EPS8: variants seen among roughly 807,000 people sequenced by gnomAD.
The protein encoded by EPS8 is epidermal growth factor receptor kinase substrate 8.
A neutral mutation model predicts 103.8 loss-of-function variants in EPS8; 42 were observed. That is an observed-to-expected ratio of 0.40 (90% confidence interval 0.32 to 0.52). The LOEUF (loss-of-function observed/expected upper bound fraction) is 0.52. Among genes scored for constraint, EPS8 ranks in the 20% least tolerant of loss-of-function variants. The probability of loss-of-function intolerance (pLI) is 0.40; values close to 1 mark genes in which losing one functional copy is unlikely to be tolerated. For missense variants in EPS8, 969 were observed against 1,005.1 expected, an observed-to-expected ratio of 0.96 and a Z score of 0.49; for synonymous variants, 344 against 344.6, an observed-to-expected ratio of 1.00 and a Z score of 0.02.
In EPS8 at chr12:15,645,707, G is replaced by T. The variant is rs568809064; in HGVS notation, c.1568+1420C>A. ...CTTATAGATATGCAGGTGAAGGACA[G>T]GGAAGTAGTGACTCTGAAATACTAG... On this transcript the variant is annotated intron_variant, in intron 15 of 20. Transcript: ENST00000281172. Among the ~76,000 whole-genome samples, 4 of 152,208 alleles carry T rather than the reference G, an allele frequency of 2.6e-5. No individual in the cohort carries two copies. In the East Asian group the frequency reaches 7.7e-4, roughly 29 times the overall value.
chr12:15,624,118 G>T, intron 19 of EPS8, 109 bp downstream of exon 19: 1 of 822,160 alleles, frequency 1.2e-6, no homozygotes, highest in Non-Finnish European at 2.0e-6. Context: ...AAAGTATGCA[G>T]TCTGTGCCCT....
intron 1 of EPS8, among the ~76,000 whole-genome samples, chr12:15,746,754 T>A (rs1196201378): frequency 6.6e-6 from 1 of 152,078 alleles, no homozygotes. Context: ...AGCTCTGGAA[T>A]CCCTTCTATT....
intron 14 of EPS8, among the ~76,000 whole-genome samples, chr12:15,650,335 G>A (rs1350030130): frequency 6.6e-6 from 1 of 152,118 alleles, no homozygotes; most frequent in African/African-American, 2.4e-5. Context: ...GAGAAGAGAG[G>A]CAAAGCAACG....
In EPS8 at chr12:15,670,742, A is replaced by G. The variant is rs535179778; in HGVS notation, c.204+114T>C. 1.3e-4 allele frequency: 85 copies of G among 667,398 alleles called. 2 individuals carry two copies. In the South Asian group the frequency reaches 2.0e-3, roughly 16 times the overall value. The allele number at this position is 667,398 out of a possible 1,614,324, so 41.3% of individuals were successfully genotyped here. ...TTAAAAAATCTAAACAAAAAGGTCA[A>G]TGCAACTTAAAATACATCATAAGAA... On this transcript the variant is annotated intron_variant, in intron 4 of 20. Coordinates refer to ENST00000281172, the MANE Select transcript of EPS8 (RefSeq NM_004447.6).
rs1946264001 is a variant in EPS8 at position 15,697,992 on chromosome 12, G to A, written c.-21-15020C>T. Among the ~76,000 whole-genome samples, 1 of 152,098 alleles carries A rather than the reference G, an allele frequency of 6.6e-6. No homozygotes were observed. The highest frequency in any genetic ancestry group is 1.5e-5 in the Non-Finnish European group (1 of 68,024). The stretch of plus-strand genomic sequence containing the variant: ...GTCTATTACAGAAATTTCTCTATGG[G>A]AACATATTTCCAGTTGTATAAAAGC... On this transcript the variant is annotated intron_variant, in intron 1 of 20. Transcript: ENST00000281172. This position sits in a 1 kb window ranked among gnomAD's most constrained non-coding sequence, Gnocchi z 5.6.
At chr12:15,664,880 C>T (rs562173454) in intron 8 of EPS8, 3 of 152,246 alleles carry the variant, frequency 2.0e-5, no homozygotes, top group African/African-American at 7.2e-5. Context: ...TAGTTATAAA[C>T]ATTTCAGATT....
intron 1 of EPS8, among the ~76,000 whole-genome samples, chr12:15,765,961 G>A (rs905497619): frequency 2.0e-5 from 3 of 151,176 alleles, no homozygotes; most frequent in East Asian, 2.0e-4. Context: ...TTACAGGCGC[G>A]TGCCACCATA....
intron 12 of EPS8, 148 bp from the exon 13 acceptor site, chr12:15,654,441 G>C (rs1275378007): frequency 1.4e-6 from 1 of 707,988 alleles, no homozygotes; most frequent in Admixed American, 2.8e-5. Flanking sequence ...ACTGAATGAA[G>C]AAAAGCTTGT....
At position 15,693,636 on chromosome 12, in the gene EPS8, T is replaced by TA. The variant is rs776549464; in HGVS notation, c.-21-10665dup. On this transcript the variant is annotated intron_variant, in intron 1 of 20. Transcript: ENST00000281172. The surrounding 1 kb of genome is among the most constrained non-coding windows in gnomAD (Gnocchi z 5.6). ...CTTTGTCTCACTGGCTTTCTGCATT[T>TA]AAAAATCCCTTTACTGTTATTTTAT... is the stretch of plus-strand genomic sequence containing the variant. Among the ~76,000 whole-genome samples, 2 of 152,230 alleles carry TA rather than the reference T, an allele frequency of 1.3e-5. No homozygotes were observed. The highest frequency in any genetic ancestry group is 2.9e-5 in the Non-Finnish European group (2 of 68,034).
chr12:15,719,558 T>C (rs567553350), intron 1 of EPS8, among the ~76,000 whole-genome samples: 37 of 152,216 alleles, frequency 2.4e-4, no homozygotes, highest in Non-Finnish European at 4.7e-4. Context: ...TGAAGCTGAA[T>C]GCCACAGTGA....
chr12:15,733,192 C>T lies in EPS8; in HGVS notation c.-21-50220G>A, dbSNP rs751516891. Among the ~76,000 whole-genome samples the T allele has an allele frequency of 1.6e-4, 25 of 152,132 alleles. No individual in the cohort carries two copies. The highest frequency in any genetic ancestry group is 3.1e-4 in the Non-Finnish European group (21 of 68,028). On this transcript the variant is annotated intron_variant, in intron 1 of 20. Transcript: ENST00000281172. This position sits in a 1 kb window ranked among gnomAD's most constrained non-coding sequence, Gnocchi z 4.8. ...GAGGTTTAATTGACTCACAGTTCCA[C>T]GGGCTTAACAGGAAGCATAGCTGAG...
Position 15,762,765 on chromosome 12 carries a change from C to G in EPS8, c.-22+26396G>C, listed in dbSNP as rs1278590660. ...AGAGAGAGTATAGAAGGATGGTTAC[C>G]AGAGGCTGGGAAGGTGAAGTGGGGA... On this transcript the variant is annotated intron_variant, in intron 1 of 20. Coordinates refer to ENST00000281172, the MANE Select transcript of EPS8 (RefSeq NM_004447.6). This position sits in a 1 kb window ranked among gnomAD's most constrained non-coding sequence, Gnocchi z 4.8. Among the ~76,000 whole-genome samples, 1 of 151,910 alleles carries G rather than the reference C, an allele frequency of 6.6e-6. No individual in the cohort carries two copies. The highest frequency in any genetic ancestry group is 1.5e-5 in the Non-Finnish European group (1 of 67,986).
chr12:15,683,286 A>T (rs1302355228), intron 1 of EPS8: 1 of 170,790 alleles, frequency 5.9e-6, no homozygotes, highest in African/African-American at 2.4e-5. Flanking sequence ...ACTCATAATC[A>T]ACTATCAATT....
At position 15,742,399 on chromosome 12, in the gene EPS8, T is replaced by C. The variant is rs150833493; in HGVS notation, c.-22+46762A>G. On this transcript the variant is annotated intron_variant, in intron 1 of 20. Transcript: ENST00000281172. ...TGTTGTTTCCTGACTTTTTAATGATTGCCATTCTAACTGCTGTGAGATGGT... is the reference window on the plus strand; with the variant it reads ...TGTTGTTTCCTGACTTTTTAATGATCGCCATTCTAACTGCTGTGAGATGGT... 2.5e-4 allele frequency among the ~76,000 whole-genome samples: 38 copies of C among 152,350 alleles called. No homozygotes were observed. The East Asian group carries it at 6.2e-3, about 25-fold the overall frequency.
Position 15,776,515 on chromosome 12 carries a change from C to G in EPS8, c.-22+12646G>C, listed in dbSNP as rs187714161. 1.3e-5 allele frequency among the ~76,000 whole-genome samples: 2 copies of G among 152,214 alleles called. No homozygotes were observed. The highest frequency in any genetic ancestry group is 6.5e-5 in the Admixed American group (1 of 15,292). On this transcript the variant is annotated intron_variant, in intron 1 of 20. Transcript: ENST00000281172. This position sits in a 1 kb window ranked among gnomAD's most constrained non-coding sequence, Gnocchi z 4.2. ...AGCAAGCATTTGTTACACCTAATAC[C>G]CAAAACCCAAATGATGCCCACGTTA...
At chr12:15,711,941 C>T (rs1946471093) in intron 1 of EPS8, among the ~76,000 whole-genome samples, 1 of 152,146 alleles carries the variant, frequency 6.6e-6, no homozygotes, top group Non-Finnish European at 1.5e-5. Flanking sequence ...TTTTTGCTCT[C>T]TATCTAGTCT....
At chr12:15,642,463 T>C (rs1049146238) in intron 15 of EPS8, among the ~76,000 whole-genome samples, 2 of 152,182 alleles carry the variant, frequency 1.3e-5, no homozygotes, top group African/African-American at 4.8e-5. Flanking sequence ...GGCCTCATTT[T>C]TTTAAAATAA....
rs75484324 is a variant in EPS8, at chr12:15,621,316, A to G, written c.*1T>C. 49 of 1,536,784 alleles carry G rather than the reference A, an allele frequency of 3.2e-5. No homozygotes were observed. The African/African-American group carries it at 5.9e-4, about 18-fold the overall frequency. Reference sequence around the variant, plus strand: ...ATGGAGTTTAAATACAAACAAACAAATTAGTGACTGCTTCCTTCATCAAAA... The same window carrying G: ...ATGGAGTTTAAATACAAACAAACAAGTTAGTGACTGCTTCCTTCATCAAAA... On this transcript the variant is annotated 3_prime_UTR_variant, in exon 21 of 21. Transcript: ENST00000281172.
chr12:15,692,953 CTTCA>C (rs1473149605), intron 1 of EPS8, among the ~76,000 whole-genome samples: 2 of 152,084 alleles, frequency 1.3e-5, no homozygotes, highest in Admixed American at 1.3e-4. Context: ...TTTCTTCTCC[CTTCA>C]TTGTCTCTTT....
Sources: allele counts gnomAD v4.1 joint callset (sites outside exome capture counted in the v4.1 genomes callset), GRCh38; gene constraint gnomAD v4.1.1; non-coding constraint Gnocchi (gnomAD v3.1); transcripts MANE v1.5; gene names NCBI Gene and HGNC (gene_info 2026-07-23, HGNC 2026-07-21).